SMIM3: variants seen among roughly 807,000 people sequenced by gnomAD.
The protein encoded by SMIM3 is small integral membrane protein 3.
Under a neutral mutation model 2.1 loss-of-function variants are expected in SMIM3, and 4 were observed. The observed-to-expected ratio is 1.89, with a 90% CI of 0.93 to 4.31. SMIM3 has a LOEUF of 4.31. Ranked by LOEUF, SMIM3 falls within the 30% of genes most tolerant of loss-of-function variation. The pLI is 0.01. For synonymous variants in SMIM3, 29 were observed against 30.8 expected (o/e 0.94, Z 0.19); for missense variants, 79 against 77.7 (o/e 1.02, Z -0.06).
chr5:150,781,055 A>T (rs931920782), intron 1 of SMIM3, among the ~76,000 whole-genome samples: 1 of 152,202 alleles, frequency 6.6e-6, no homozygotes, highest in Non-Finnish European at 1.5e-5. Context: ...CCACAATCCT[A>T]TTAGGGAGGG....
intron 1 of SMIM3, among the ~76,000 whole-genome samples, chr5:150,793,033 T>C (rs1369094540): frequency 2.1e-5 from 3 of 145,058 alleles, no homozygotes; most frequent in Non-Finnish European, 3.0e-5. Flanking sequence ...AATTTGCGTG[T>C]ATTTTTTTTT....
intron 1 of SMIM3, among the ~76,000 whole-genome samples, chr5:150,787,616 T>C (rs1037417552): frequency 3.9e-5 from 6 of 152,206 alleles, no homozygotes; most frequent in Admixed American, 3.3e-4. Flanking sequence ...AGCTTTATGA[T>C]CAATGGCTGG....
At chr5:150,791,423 C>T (rs1288337922) in intron 1 of SMIM3, among the ~76,000 whole-genome samples, 1 of 152,054 alleles carries the variant, frequency 6.6e-6, no homozygotes, top group Non-Finnish European at 1.5e-5. Flanking sequence ...GACCTTCCAG[C>T]CTCTGGTGAC....
In SMIM3 at chr5:150,795,580, T is replaced by C. The variant is rs754655098; in HGVS notation, c.140T>C (p.Ile47Thr). Residue 47 changes from isoleucine to threonine, a missense_variant, in exon 2 of 2, where the codon ATC becomes ACC. By Grantham distance (89) the Ile-to-Thr change is moderately conservative. Transcript: ENST00000526627. Reference protein sequence around the residue: ...LLLCPATAVIIYRMRTHPILS... With the variant: ...LLLCPATAVITYRMRTHPILS... Reference sequence around the variant, plus strand: ...CTGTGCCCAGCCACTGCAGTAATCATCTATCGCATGCGGACTCATCCGATC... The same window carrying C: ...CTGTGCCCAGCCACTGCAGTAATCACCTATCGCATGCGGACTCATCCGATC... The C allele has an allele frequency of 1.9e-6, 3 of 1,590,106 alleles. No homozygotes were observed. Among genetic ancestry groups the C allele is most frequent in the Admixed American group, 3.5e-5 (2 of 56,798 alleles).
chr5:150,795,489 A>G lies in SMIM3; in HGVS notation c.49A>G (p.Ile17Val), dbSNP rs1753393261. ...VPMEVVLPKH[I>V]LDIWVIVLII... ...CATGGAAGTCGTGCTTCCCAAGCACATCCTGGATATCTGGGTTATTGTCCT... is the reference window on the plus strand; with the variant it reads ...CATGGAAGTCGTGCTTCCCAAGCACGTCCTGGATATCTGGGTTATTGTCCT... Residue 17 changes from isoleucine to valine, a missense_variant, in exon 2 of 2, where the codon ATC becomes GTC. Transcript: ENST00000526627. 1 of 1,613,808 alleles carries G rather than the reference A, an allele frequency of 6.2e-7. No homozygotes were observed. Among genetic ancestry groups the G allele is most frequent in the Non-Finnish European group, 8.5e-7 (1 of 1,179,888 alleles).
At chr5:150,779,444 G>A (rs1753209026) in intron 1 of SMIM3, among the ~76,000 whole-genome samples, 1 of 152,208 alleles carries the variant, frequency 6.6e-6, no homozygotes, top group African/African-American at 2.4e-5. Context: ...GCCCCGTGTA[G>A]AAGGCGCCAG....
chr5:150,790,307 CTGTT>C (rs907253974), intron 1 of SMIM3, among the ~76,000 whole-genome samples: 1 of 152,064 alleles, frequency 6.6e-6, no homozygotes, highest in African/African-American at 2.4e-5. Context: ...GTCAGGAAGA[CTGTT>C]TGATGTTAAA....
chr5:150,792,561 G>A (rs13361180), intron 1 of SMIM3, among the ~76,000 whole-genome samples: 1 of 152,070 alleles, frequency 6.6e-6, no homozygotes, highest in Non-Finnish European at 1.5e-5. Context: ...TTGAGATAGG[G>A]TCTTGCTCTG....
intron 1 of SMIM3, among the ~76,000 whole-genome samples, chr5:150,789,209 A>G (rs1753323913): frequency 6.6e-6 from 1 of 152,236 alleles, no homozygotes; most frequent in South Asian, 2.1e-4. Flanking sequence ...TAGACATACC[A>G]AGAAACAAGG....
At chr5:150,783,704 G>C (rs942306848) in intron 1 of SMIM3, among the ~76,000 whole-genome samples, 1 of 152,168 alleles carries the variant, frequency 6.6e-6, no homozygotes, top group African/African-American at 2.4e-5. Context: ...CAGTAAAACC[G>C]GTTGGATAAC....
chr5:150,780,436 G>A (rs1479381560), intron 1 of SMIM3, among the ~76,000 whole-genome samples: 1 of 152,192 alleles, frequency 6.6e-6, no homozygotes, highest in African/African-American at 2.4e-5. Flanking sequence ...GGGACCTCCT[G>A]TTCCCAGCTG....
chr5:150,794,183 G>A (rs756226604), intron 1 of SMIM3, among the ~76,000 whole-genome samples: 10 of 152,182 alleles, frequency 6.6e-5, no homozygotes, highest in Non-Finnish European at 1.0e-4. Context: ...GTAAATGCTC[G>A]TGTGGATGTG....
At chr5:150,794,233 A>C (rs1753378869) in intron 1 of SMIM3, among the ~76,000 whole-genome samples, 1 of 152,192 alleles carries the variant, frequency 6.6e-6, no homozygotes, top group Admixed American at 6.5e-5. Flanking sequence ...TGGGAGTGTA[A>C]ACTAGTACAG....
chr5:150,785,083 C>CT (rs35401611), intron 1 of SMIM3, among the ~76,000 whole-genome samples: 2,369 of 92,178 alleles, frequency 0.026, 146 homozygotes, highest in African/African-American at 0.037. Flanking sequence ...CTGAAAATGT[C>CT]TTTTTTTTTT....
chr5:150,790,373 C>T (rs1753337661), intron 1 of SMIM3, among the ~76,000 whole-genome samples: 1 of 152,152 alleles, frequency 6.6e-6, no homozygotes, highest in Admixed American at 6.5e-5. Flanking sequence ...AGGCAGCTAG[C>T]TGTTGATGTA....
rs146765571 is a variant in SMIM3 at position 150,791,745 on chromosome 5, T to C, written c.-11-3685T>C. ...TGCAGAAATCTCTTTGACATACTGA[T>C]TTCAAATCCTTTGGTTATATGCCCA... On this transcript the variant is annotated intron_variant, in intron 1 of 1. Transcript: ENST00000526627. Among the ~76,000 whole-genome samples the C allele has an allele frequency of 1.2e-3, 183 of 152,336 alleles. 4 individuals carry two copies. In the East Asian group the frequency reaches 0.033, roughly 27 times the overall value.
chr5:150,780,082 G>A (rs1318176449), intron 1 of SMIM3, among the ~76,000 whole-genome samples: 3 of 152,142 alleles, frequency 2.0e-5, no homozygotes, highest in East Asian at 1.9e-4. Context: ...GCTATGATGC[G>A]TGCTGCTACT....
intron 1 of SMIM3, among the ~76,000 whole-genome samples, chr5:150,783,403 C>T (rs887768561): frequency 1.3e-5 from 2 of 152,248 alleles, no homozygotes; most frequent in African/African-American, 4.8e-5. Context: ...CCCTGGGAAC[C>T]ATCAGCCTTG....
At chr5:150,786,318 C>T (rs1332334922) in intron 1 of SMIM3, among the ~76,000 whole-genome samples, 2 of 152,142 alleles carry the variant, frequency 1.3e-5, no homozygotes, top group African/African-American at 2.4e-5. Context: ...GACAGGGTCT[C>T]ACTCTGTCAC....
Sources: allele counts gnomAD v4.1 joint callset (sites outside exome capture counted in the v4.1 genomes callset), GRCh38; gene constraint gnomAD v4.1.1; transcripts MANE v1.5; gene names NCBI Gene and HGNC (gene_info 2026-07-23, HGNC 2026-07-21).